GALNT13: variants seen among roughly 807,000 people sequenced by gnomAD.
GALNT13 encodes the protein polypeptide N-acetylgalactosaminyltransferase 13.
A neutral mutation model predicts 64.2 loss-of-function variants in GALNT13; 28 were observed. That is an observed-to-expected ratio of 0.44 (90% CI 0.32 to 0.60). The LOEUF (loss-of-function observed/expected upper bound fraction) is 0.60. Among genes scored for constraint, GALNT13 ranks in the 20% least tolerant of loss-of-function variants. GALNT13 has a pLI of 0.05. For synonymous variants in GALNT13, 214 were observed against 224.6 expected (o/e 0.95, Z 0.42); for missense variants, 577 against 669.8 (o/e 0.86, Z 1.53).
chr2:153,689,586 C>A, the GALNT13 span, among the ~76,000 whole-genome samples: 1 of 152,174 alleles, frequency 6.6e-6, no homozygotes, highest in Admixed American at 6.6e-5. Context: ...ATCTATAACA[C>A]TATGAATTAG....
At position 154,018,344 on chromosome 2, in the gene GALNT13, A is replaced by G. The variant is rs547618178; in HGVS notation, c.142+73705A>G. 1.2e-3 allele frequency among the ~76,000 whole-genome samples: 189 copies of G among 152,356 alleles called. 2 individuals are homozygous for G. Among genetic ancestry groups the G allele is most frequent in the African/African-American group, 4.3e-3 (179 of 41,582 alleles). Reference sequence around the variant, plus strand: ...TGCAATTAAAGTAGCCACTTCCTCCAGCTACCTGGACACAGTAATTGTCCA... The same window carrying G: ...TGCAATTAAAGTAGCCACTTCCTCCGGCTACCTGGACACAGTAATTGTCCA... On this transcript the variant is annotated intron_variant, in intron 3 of 12. Coordinates refer to ENST00000392825, the MANE Select transcript of GALNT13 (RefSeq NM_052917.4).
chr2:153,877,259 T>C (rs533831396), intron 1 of GALNT13, among the ~76,000 whole-genome samples: 2 of 152,166 alleles, frequency 1.3e-5, no homozygotes, highest in South Asian at 4.2e-4. Context: ...CATGTTAAGG[T>C]TTTAACATGA....
intron 3 of GALNT13, among the ~76,000 whole-genome samples, chr2:154,113,082 A>T (rs886315225): frequency 2.0e-5 from 3 of 152,176 alleles, no homozygotes; most frequent in Non-Finnish European, 4.4e-5. Context: ...TGGTGCCTTG[A>T]TGACCCGTAG....
At chr2:154,278,077 C>G (rs1279159900) in intron 8 of GALNT13, among the ~76,000 whole-genome samples, 2 of 152,094 alleles carry the variant, frequency 1.3e-5, no homozygotes, top group Non-Finnish European at 2.9e-5. Context: ...AGTGGTCAAC[C>G]AAATTCTATA....
the GALNT13 span, among the ~76,000 whole-genome samples, chr2:153,558,804 C>T: frequency 6.6e-6 from 1 of 152,148 alleles, no homozygotes; most frequent in African/African-American, 2.4e-5. Flanking sequence ...AAATCATAAA[C>T]TCTTATGGGT....
the GALNT13 span, among the ~76,000 whole-genome samples, chr2:153,658,604 T>G: frequency 2.6e-5 from 4 of 152,168 alleles, no homozygotes; most frequent in African/African-American, 9.6e-5. Context: ...CAAATAGTGC[T>G]TATTTTCTTA....
intron 3 of GALNT13, among the ~76,000 whole-genome samples, chr2:154,078,710 T>C (rs1701115712): frequency 6.6e-6 from 1 of 151,630 alleles, no homozygotes; most frequent in Non-Finnish European, 1.5e-5. Flanking sequence ...TGAACTAAAA[T>C]ATATATGTAA....
At chr2:154,308,434 T>C (rs1375568363) in intron 9 of GALNT13, among the ~76,000 whole-genome samples, 1 of 152,156 alleles carries the variant, frequency 6.6e-6, no homozygotes, top group African/African-American at 2.4e-5. Context: ...GCTGATATTT[T>C]GAAAAATACA....
chr2:153,198,946 CT>C, the GALNT13 span, among the ~76,000 whole-genome samples: 2 of 152,188 alleles, frequency 1.3e-5, no homozygotes, highest in East Asian at 3.9e-4. Context: ...TCTAAGTGCT[CT>C]TTTAGTGCCT....
the GALNT13 span, among the ~76,000 whole-genome samples, chr2:153,793,394 T>G: frequency 8.5e-5 from 13 of 152,294 alleles, no homozygotes; most frequent in Admixed American, 2.0e-4. Context: ...CACTTTCTCT[T>G]TACAATCCAA....
chr2:153,367,797 A>C, the GALNT13 span, among the ~76,000 whole-genome samples: 8 of 152,120 alleles, frequency 5.3e-5, no homozygotes. Context: ...GGGACCAGTA[A>C]AAATATTTTT....
At chr2:153,476,173 T>C in the GALNT13 span, among the ~76,000 whole-genome samples, 96 of 152,336 alleles carry the variant, frequency 6.3e-4, no homozygotes, top group African/African-American at 2.3e-3. Context: ...AGGTTGTGAT[T>C]TCTAACAAGG....
At chr2:153,871,347 G>T (rs571024790), upstream of GALNT13, among the ~76,000 whole-genome samples, 3 of 152,314 alleles carry the variant, frequency 2.0e-5, no homozygotes, top group East Asian at 5.8e-4. Flanking sequence ...CAGAACACTA[G>T]GATCCTGCCA....
chr2:153,429,373 A>G, the GALNT13 span, among the ~76,000 whole-genome samples: 1 of 152,172 alleles, frequency 6.6e-6, no homozygotes, highest in East Asian at 1.9e-4. Context: ...TGAATTGAAT[A>G]CCTTTTAATA....
chr2:153,203,370 T>C, the GALNT13 span, among the ~76,000 whole-genome samples: 1 of 152,174 alleles, frequency 6.6e-6, no homozygotes, highest in Non-Finnish European at 1.5e-5. Context: ...AAGCAACACA[T>C]TGAAAATAGA....
chr2:153,807,155 C>T, the GALNT13 span, among the ~76,000 whole-genome samples: 1 of 151,998 alleles, frequency 6.6e-6, no homozygotes, highest in African/African-American at 2.4e-5. Flanking sequence ...GCAACCCCAT[C>T]CCTCTTCTCT....
the GALNT13 span, among the ~76,000 whole-genome samples, chr2:153,256,005 T>C: frequency 3.3e-5 from 5 of 152,068 alleles, no homozygotes; most frequent in African/African-American, 9.7e-5. Flanking sequence ...TGAATCTGAA[T>C]GTTGGCCTGC....
At chr2:154,197,902 T>C (rs900627597) in intron 4 of GALNT13, among the ~76,000 whole-genome samples, 26 of 151,424 alleles carry the variant, frequency 1.7e-4, no homozygotes, top group Non-Finnish European at 3.1e-4. Flanking sequence ...TCAACAAATA[T>C]ATGAAAAGAA....
At chr2:154,391,271 T>C (rs1016939374) in intron 9 of GALNT13, among the ~76,000 whole-genome samples, 11 of 152,162 alleles carry the variant, frequency 7.2e-5, no homozygotes, top group African/African-American at 2.7e-4. Flanking sequence ...GGCTGACTGG[T>C]TTATTTGCCC....
Sources: gnomAD v4.1 joint callset for allele counts (sites outside exome capture counted in the v4.1 genomes callset) on GRCh38, gnomAD v4.1.1 for gene constraint, MANE v1.5 for transcripts, NCBI Gene and HGNC (gene_info 2026-07-23, HGNC 2026-07-21) for gene names.